The following SPAG16 variants were observed in gnomAD, a reference collection of about 807,000 sequenced individuals.
The protein encoded by SPAG16 is sperm-associated antigen 16 protein.
Under a neutral mutation model 80.4 loss-of-function variants are expected in SPAG16, and 86 were observed. That is an observed-to-expected ratio of 1.07 (90% CI 0.90 to 1.28). The LOEUF (loss-of-function observed/expected upper bound fraction) is 1.28. Among genes scored for constraint, SPAG16 ranks in the 50% most tolerant of loss-of-function variants. SPAG16 has a pLI of 0.00. For synonymous variants in SPAG16, 294 were observed against 265.9 expected, an observed-to-expected ratio of 1.11 and a Z score of -1.03; for missense variants, 870 against 765.3, an observed-to-expected ratio of 1.14 and a Z score of -1.61.
chr2:213,941,816 G>T (rs1199761452), intron 12 of SPAG16, among the ~76,000 whole-genome samples: 1 of 151,976 alleles, frequency 6.6e-6, no homozygotes. Flanking sequence ...TTGACTTGCT[G>T]TCATCCTTGT....
chr2:213,709,007 A>G (rs536558910), intron 10 of SPAG16, among the ~76,000 whole-genome samples: 4 of 152,280 alleles, frequency 2.6e-5, no homozygotes, highest in Admixed American at 6.5e-5. Flanking sequence ...ACATTATGGT[A>G]TTAGTTCCTT....
At chr2:214,291,462 C>T (rs888048556) in intron 15 of SPAG16, among the ~76,000 whole-genome samples, 2 of 150,914 alleles carry the variant, frequency 1.3e-5, no homozygotes, top group African/African-American at 4.9e-5. Context: ...CCCGCCACTA[C>T]GCCCAGCTAA....
chr2:213,738,994 C>A (rs1574994439), intron 10 of SPAG16, among the ~76,000 whole-genome samples: 1 of 152,160 alleles, frequency 6.6e-6, no homozygotes, highest in Non-Finnish European at 1.5e-5. Context: ...GGAAATAAGT[C>A]TTTGCTTACT....
chr2:213,720,047 T>G (rs1012683443), intron 10 of SPAG16, among the ~76,000 whole-genome samples: 4 of 152,090 alleles, frequency 2.6e-5, no homozygotes, highest in African/African-American at 7.2e-5. Context: ...GGGATATGGA[T>G]GAAACTAGAA....
intron 15 of SPAG16, among the ~76,000 whole-genome samples, chr2:214,267,728 C>T (rs1011805584): frequency 5.3e-5 from 8 of 151,656 alleles, no homozygotes; most frequent in Admixed American, 3.3e-4. Flanking sequence ...TCCATACTAC[C>T]GAAAGCATTC....
chr2:213,808,275 G>C (rs1264414682), intron 10 of SPAG16, among the ~76,000 whole-genome samples: 1 of 152,094 alleles, frequency 6.6e-6, no homozygotes, highest in Non-Finnish European at 1.5e-5. Context: ...TTTTGTGGAA[G>C]AACATTTTAG....
chr2:214,111,655 A>AT (rs1209621733), intron 14 of SPAG16, among the ~76,000 whole-genome samples: 1 of 152,096 alleles, frequency 6.6e-6, no homozygotes, highest in African/African-American at 2.4e-5. Context: ...TTTTTTTCCA[A>AT]TTCTTTGAAG....
intron 15 of SPAG16, among the ~76,000 whole-genome samples, chr2:214,346,167 T>A (rs1221752774): frequency 6.6e-6 from 1 of 152,258 alleles, no homozygotes; most frequent in Non-Finnish European, 1.5e-5. Flanking sequence ...TATACCCACA[T>A]GCTTTCAAAA....
intron 9 of SPAG16, among the ~76,000 whole-genome samples, chr2:213,406,860 T>A (rs773792643): frequency 2.7e-5 from 4 of 148,556 alleles, no homozygotes; most frequent in African/African-American, 7.5e-5. Flanking sequence ...CCAGCCCTAG[T>A]GTGGTGGCCT....
At chr2:214,062,700 C>T (rs370712945) in intron 13 of SPAG16, among the ~76,000 whole-genome samples, 1 of 122,660 alleles carries the variant, frequency 8.2e-6, no homozygotes, top group Non-Finnish European at 1.6e-5. Context: ...TCTCTGCTCT[C>T]TTATAGTTTA....
chr2:213,395,995 T>C (rs1032380591), intron 9 of SPAG16, among the ~76,000 whole-genome samples: 2 of 151,670 alleles, frequency 1.3e-5, no homozygotes, highest in African/African-American at 2.4e-5. Flanking sequence ...TTAACTAGTT[T>C]CCATGCATAC....
intron 13 of SPAG16, among the ~76,000 whole-genome samples, chr2:214,105,486 A>C (rs893494029): frequency 7.9e-5 from 12 of 152,190 alleles, no homozygotes; most frequent in Non-Finnish European, 1.2e-4. Flanking sequence ...AGTAAAGCAA[A>C]GCAATTTGTT....
At chr2:214,385,343 A>T (rs1465188012) in intron 15 of SPAG16, among the ~76,000 whole-genome samples, 1 of 152,204 alleles carries the variant, frequency 6.6e-6, no homozygotes, top group Non-Finnish European at 1.5e-5. Context: ...ACTTCCCAGC[A>T]CACGGTCAAC....
chr2:213,817,213 C>CAT (rs71063784), intron 10 of SPAG16, among the ~76,000 whole-genome samples: 220 of 142,950 alleles, frequency 1.5e-3, no homozygotes, highest in African/African-American at 1.9e-3. Flanking sequence ...ACAAAGCATG[C>CAT]ATATATATAT....
intron 9 of SPAG16, among the ~76,000 whole-genome samples, chr2:213,420,972 G>A (rs2069546853): frequency 1.3e-5 from 2 of 152,336 alleles, no homozygotes; most frequent in African/African-American, 4.8e-5. Flanking sequence ...GGCTGCAGCA[G>A]GGGAGGTGTG....
At chr2:213,661,072 CATA>C (rs1223352906) in intron 10 of SPAG16, among the ~76,000 whole-genome samples, 2 of 152,194 alleles carry the variant, frequency 1.3e-5, no homozygotes, top group African/African-American at 2.4e-5. Flanking sequence ...GTCACTCCAA[CATA>C]TAGGTAGCCT....
At chr2:213,833,098 T>C (rs977877213) in intron 10 of SPAG16, among the ~76,000 whole-genome samples, 2 of 151,994 alleles carry the variant, frequency 1.3e-5, no homozygotes, top group African/African-American at 4.8e-5. Flanking sequence ...TTTTAATTAT[T>C]CTTTCTGGAA....
chr2:213,608,169 A>G (rs1032252277), intron 10 of SPAG16, among the ~76,000 whole-genome samples: 4 of 151,952 alleles, frequency 2.6e-5, no homozygotes, highest in Admixed American at 1.3e-4. Flanking sequence ...TATACTTTCC[A>G]TTTTTTATTC....
chr2:214,030,241 G>T (rs960661900), intron 13 of SPAG16, among the ~76,000 whole-genome samples: 1 of 152,064 alleles, frequency 6.6e-6, no homozygotes, highest in Non-Finnish European at 1.5e-5. Context: ...GCCTTTCTGA[G>T]GTTGGATTAT....
Sources: allele counts gnomAD v4.1 joint callset (sites outside exome capture counted in the v4.1 genomes callset), GRCh38; gene constraint gnomAD v4.1.1; transcripts MANE v1.5; gene names NCBI Gene and HGNC (gene_info 2026-07-23, HGNC 2026-07-21).